The following LRRC4C variants were observed in gnomAD, a reference collection of about 807,000 sequenced individuals.
LRRC4C encodes the protein leucine-rich repeat-containing protein 4C.
A neutral mutation model predicts 33.6 loss-of-function variants in LRRC4C; 5 were observed. That is an observed-to-expected ratio of 0.15 (90% CI 0.08 to 0.31). The LOEUF is 0.31. Ranked by LOEUF, LRRC4C falls within the 10% of genes least tolerant of loss-of-function variation. The pLI, the probability that LRRC4C is intolerant of heterozygous loss-of-function variation, is 1.00. For missense variants in LRRC4C, 560 were observed against 796.7 expected (o/e 0.70, Z 3.58); for synonymous variants, 329 against 302.0 (o/e 1.09, Z -0.93).
chr11:40,259,110 T>C (rs989846254), intron 4 of LRRC4C, among the ~76,000 whole-genome samples: 1 of 152,148 alleles, frequency 6.6e-6, no homozygotes, highest in Non-Finnish European at 1.5e-5. Context: ...CAGCTACTAG[T>C]GGAGTGTTGG....
chr11:40,984,433 A>AAAAG (rs151264500), intron 1 of LRRC4C, among the ~76,000 whole-genome samples: 2 of 145,216 alleles, frequency 1.4e-5, no homozygotes, highest in African/African-American at 5.1e-5. Context: ...AAGAAAGAGA[A>AAAAG]AAAGAAAGAA....
At chr11:41,025,922 A>G (rs1485627006) in intron 1 of LRRC4C, among the ~76,000 whole-genome samples, 1 of 151,658 alleles carries the variant, frequency 6.6e-6, no homozygotes, top group African/African-American at 2.4e-5. Flanking sequence ...CCAATTGTTG[A>G]TATCTTCTGC....
chr11:41,325,599 G>GTC, intron 1 of LRRC4C, among the ~76,000 whole-genome samples: 2 of 144,402 alleles, frequency 1.4e-5, no homozygotes, highest in South Asian at 4.4e-4. Context: ...GTGTGTGTGT[G>GTC]TGTGTGTGTG....
intron 2 of LRRC4C, among the ~76,000 whole-genome samples, chr11:40,877,135 T>A (rs1027579782): frequency 4.7e-5 from 3 of 63,628 alleles, no homozygotes; most frequent in Non-Finnish European, 1.8e-4. Context: ...GTGACATTTT[T>A]TTTTGGCTAG....
chr11:41,349,461 A>C (rs1299521779), intron 1 of LRRC4C, among the ~76,000 whole-genome samples: 1 of 149,644 alleles, frequency 6.7e-6, no homozygotes, highest in Non-Finnish European at 1.5e-5. Context: ...GAGGAAAAAA[A>C]CAAAACAAAA....
intron 1 of LRRC4C, among the ~76,000 whole-genome samples, chr11:41,392,624 T>C (rs1241021165): frequency 1.3e-5 from 2 of 151,756 alleles, no homozygotes; most frequent in Non-Finnish European, 2.9e-5. Context: ...ATAATATCTT[T>C]GTAGATGTAA....
chr11:40,981,365 G>C (rs1021707803), intron 1 of LRRC4C, among the ~76,000 whole-genome samples: 1 of 150,994 alleles, frequency 6.6e-6, no homozygotes, highest in Non-Finnish European at 1.5e-5. Context: ...AGTGAGCAGA[G>C]ATCACGCCAC....
rs568596768 is a variant in LRRC4C, at chr11:41,047,258, A to C, written c.-495-113535T>G. ...ATAAGCATATAAAAAGATGCTCAAC[A>C]TCATTATTCATTAGAAAAATTCCAA... On this transcript the variant is annotated intron_variant, in intron 1 of 6. Coordinates refer to ENST00000528697, the MANE Select transcript of LRRC4C (RefSeq NM_001258419.2). 4.6e-5 allele frequency among the ~76,000 whole-genome samples: 7 copies of C among 152,298 alleles called. No individual in the cohort carries two copies. The South Asian group carries it at 1.4e-3, about 32-fold the overall frequency.
At chr11:40,239,218 A>AT (rs1452144941) in intron 5 of LRRC4C, among the ~76,000 whole-genome samples, 11 of 152,150 alleles carry the variant, frequency 7.2e-5, no homozygotes, top group African/African-American at 2.7e-4. Context: ...CTCTCTAAGC[A>AT]TATTTTCCCC....
intron 1 of LRRC4C, among the ~76,000 whole-genome samples, chr11:41,233,900 A>T (rs1330718596): frequency 6.6e-6 from 1 of 151,862 alleles, no homozygotes; most frequent in Non-Finnish European, 1.5e-5. Context: ...AGGGGGCAGG[A>T]GGGAAACCCC....
chr11:40,806,896 C>T (rs1423062867), intron 2 of LRRC4C, among the ~76,000 whole-genome samples: 3 of 151,954 alleles, frequency 2.0e-5, no homozygotes, highest in African/African-American at 7.3e-5. Context: ...AATGTTCTTG[C>T]ATAATCTACA....
chr11:41,169,020 G>T (rs1262011687), intron 1 of LRRC4C, among the ~76,000 whole-genome samples: 6 of 152,156 alleles, frequency 3.9e-5, no homozygotes, highest in African/African-American at 1.2e-4. Context: ...CAAACAAGAA[G>T]ATGAACTCTG....
intron 2 of LRRC4C, among the ~76,000 whole-genome samples, chr11:40,843,947 A>G (rs1378479477): frequency 6.6e-6 from 1 of 152,216 alleles, no homozygotes; most frequent in African/African-American, 2.4e-5. Context: ...GTGAATAAAC[A>G]GCAGAATAAA....
At chr11:41,395,995 C>T (rs889448663) in intron 1 of LRRC4C, among the ~76,000 whole-genome samples, 5 of 152,012 alleles carry the variant, frequency 3.3e-5, no homozygotes, top group African/African-American at 9.7e-5. Flanking sequence ...GCTTTGAATG[C>T]GGCCCAACAC....
At chr11:41,287,440 CGTTTT>C (rs1201909876) in intron 1 of LRRC4C, among the ~76,000 whole-genome samples, 5 of 151,988 alleles carry the variant, frequency 3.3e-5, no homozygotes, top group South Asian at 4.2e-4. Flanking sequence ...TTGTTTTTTG[CGTTTT>C]GTTTTGTTTT....
chr11:40,996,209 G>C (rs1480921736), intron 1 of LRRC4C, among the ~76,000 whole-genome samples: 1 of 152,112 alleles, frequency 6.6e-6, no homozygotes, highest in Non-Finnish European at 1.5e-5. Context: ...AGGCAGATAA[G>C]AGAGGAATGA....
chr11:40,457,347 G>A (rs995907756), intron 3 of LRRC4C, among the ~76,000 whole-genome samples: 3 of 151,864 alleles, frequency 2.0e-5, no homozygotes, highest in African/African-American at 4.8e-5. Flanking sequence ...GAGCAAAAAA[G>A]GTTTTAATTG....
intron 1 of LRRC4C, among the ~76,000 whole-genome samples, chr11:41,392,766 T>C (rs1410294433): frequency 2.6e-5 from 4 of 151,824 alleles, no homozygotes; most frequent in Non-Finnish European, 4.4e-5. Flanking sequence ...ATTGGAGTGA[T>C]GTAGCTGTAA....
At chr11:40,341,934 T>C (rs2137015148) in intron 3 of LRRC4C, among the ~76,000 whole-genome samples, 1 of 152,152 alleles carries the variant, frequency 6.6e-6, no homozygotes, top group South Asian at 2.1e-4. Context: ...TGGTTTTCTT[T>C]GTAAATCATA....
Sources: allele counts gnomAD v4.1 joint callset (sites outside exome capture counted in the v4.1 genomes callset), GRCh38; gene constraint gnomAD v4.1.1; transcripts MANE v1.5; gene names NCBI Gene and HGNC (gene_info 2026-07-23, HGNC 2026-07-21).